Variants in PAK1 observed in about 807,000 individuals in gnomAD.
The protein encoded by PAK1 is serine/threonine-protein kinase PAK 1.
A neutral mutation model predicts 67.4 loss-of-function variants in PAK1; 29 were observed. The observed-to-expected ratio is 0.43, with a 90% CI of 0.32 to 0.59. The LOEUF (loss-of-function observed/expected upper bound fraction) is 0.59. Among genes scored for constraint, PAK1 ranks in the 20% least tolerant of loss-of-function variants. PAK1 has a pLI of 0.07. For missense variants in PAK1, 337 were observed against 670.7 expected (o/e 0.50, Z 5.50); for synonymous variants, 223 against 237.4 (o/e 0.94, Z 0.56).
intron 1 of PAK1, among the ~76,000 whole-genome samples, chr11:77,433,234 T>C (rs1160150349): frequency 6.6e-6 from 1 of 152,156 alleles, no homozygotes; most frequent in Non-Finnish European, 1.5e-5. Flanking sequence ...GAGCTAAAAG[T>C]ATAAAACTCT....
chr11:77,353,239 C>T (rs1188585858), intron 8 of PAK1: 6 of 303,382 alleles, frequency 2.0e-5, no homozygotes, highest in Admixed American at 9.7e-5. Context: ...CAGGGTTCAT[C>T]CGGAAAAGCA....
intron 1 of PAK1, among the ~76,000 whole-genome samples, chr11:77,472,920 T>C (rs920573133): frequency 1.3e-5 from 2 of 152,188 alleles, no homozygotes; most frequent in African/African-American, 4.8e-5. Flanking sequence ...TGAAATAGGA[T>C]AGCGAAGGCT....
At chr11:77,507,254 G>A in the PAK1 span, among the ~76,000 whole-genome samples, 3 of 152,078 alleles carry the variant, frequency 2.0e-5, no homozygotes, top group African/African-American at 7.2e-5. Flanking sequence ...CCAGAGATGG[G>A]GAGCAACCAG....
chr11:77,429,848 G>C (rs1288098787), intron 1 of PAK1, among the ~76,000 whole-genome samples: 4 of 152,196 alleles, frequency 2.6e-5, no homozygotes, highest in African/African-American at 4.8e-5. Flanking sequence ...TCCTGATTTT[G>C]ATGGTTGCAT....
In PAK1 at chr11:77,419,965, A is replaced by G. The variant is rs116813913; in HGVS notation, c.-21-27424T>C. Among the ~76,000 whole-genome samples the G allele has an allele frequency of 9.7e-3, 1,474 of 152,332 alleles. 24 individuals are homozygous for G. The highest frequency in any genetic ancestry group is 0.034 in the African/African-American group (1,422 of 41,576). ...TATAAGTAAAGAAACAAGCAAAAGAAAGATGGAAACGAAAAAAGATATTAA... is the reference window on the plus strand; with the variant it reads ...TATAAGTAAAGAAACAAGCAAAAGAGAGATGGAAACGAAAAAAGATATTAA... On this transcript the variant is annotated intron_variant, in intron 1 of 14. Transcript: ENST00000356341.
intron 1 of PAK1, among the ~76,000 whole-genome samples, chr11:77,415,370 A>G (rs1489775575): frequency 1.3e-5 from 2 of 152,216 alleles, no homozygotes; most frequent in Non-Finnish European, 2.9e-5. Context: ...ACAGGCATAC[A>G]TTCTGAGAAA....
intron 1 of PAK1, among the ~76,000 whole-genome samples, chr11:77,446,464 A>G (rs748916926): frequency 2.7e-5 from 4 of 149,054 alleles, no homozygotes; most frequent in Non-Finnish European, 5.9e-5. Flanking sequence ...GTGAGCCAAG[A>G]TCATGCCACT....
At chr11:77,362,794 A>G (rs540715295) in intron 5 of PAK1, among the ~76,000 whole-genome samples, 1 of 152,360 alleles carries the variant, frequency 6.6e-6, no homozygotes, top group South Asian at 2.1e-4. Flanking sequence ...ATAGTAGTAT[A>G]AACTGGAATG....
chr11:77,397,985 T>C (rs1004772246), intron 1 of PAK1, among the ~76,000 whole-genome samples: 1 of 152,228 alleles, frequency 6.6e-6, no homozygotes, highest in Non-Finnish European at 1.5e-5. Context: ...TTAGTTTTTG[T>C]GGGCACATAG....
chr11:77,427,007 G>A (rs1955583736), intron 1 of PAK1, among the ~76,000 whole-genome samples: 1 of 152,210 alleles, frequency 6.6e-6, no homozygotes, highest in African/African-American at 2.4e-5. Context: ...TATGGCTGGA[G>A]CAAATGGGGT....
rs565748244 is a variant in PAK1, at chr11:77,416,971, A to G, written c.-21-24430T>C. The stretch of plus-strand genomic sequence containing the variant: ...CTGTCTCAAAAAAAAAAAAAAGTAC[A>G]TATGTGTTCTATACTTTTATATGAC... On this transcript the variant is annotated intron_variant, in intron 1 of 14. Coordinates refer to ENST00000356341, the MANE Select transcript of PAK1 (RefSeq NM_002576.5). 9.9e-5 allele frequency among the ~76,000 whole-genome samples: 15 copies of G among 151,978 alleles called. No homozygotes were observed. In the East Asian group the frequency reaches 1.2e-3, roughly 12 times the overall value.
chr11:77,419,486 A>C (rs371086756), intron 1 of PAK1, among the ~76,000 whole-genome samples: 1 of 152,316 alleles, frequency 6.6e-6, no homozygotes, highest in East Asian at 1.9e-4. Flanking sequence ...TAGGCATATG[A>C]GTTTGCAACT....
chr11:77,374,355 A>C lies in PAK1; in HGVS notation c.450T>G (p.Ala150=). 6.3e-7 allele frequency: 1 copy of C among 1,597,694 alleles called. No homozygotes were observed. Among genetic ancestry groups the C allele is most frequent in the Non-Finnish European group, 8.6e-7 (1 of 1,165,118 alleles). ...AGGCATTAGAAGAATTGTAATCCTC[A>C]GCTGACTTATCTGCACAGGAAGAAA... is the stretch of plus-strand genomic sequence containing the variant. ...QKYMSFTDKS[A]EDYNSSNALN... Residue 150 remains alanine (A), a synonymous_variant, in exon 5 of 15, where the codon GCT becomes GCG. Transcript: ENST00000356341.
intron 5 of PAK1, among the ~76,000 whole-genome samples, chr11:77,365,882 ACTGCCAAAAG>A (rs1437502487): frequency 3.9e-5 from 6 of 152,126 alleles, no homozygotes; most frequent in African/African-American, 1.4e-4. Context: ...GCACAGTCAG[ACTGCCAAAAG>A]CTAAAGTCAA....
intron 2 of PAK1, among the ~76,000 whole-genome samples, chr11:77,384,030 G>A (rs115751618): frequency 0.017 from 2,630 of 152,300 alleles, 60 homozygotes; most frequent in African/African-American, 0.059. Context: ...GTGTACAGAA[G>A]AAGGTAAGTA....
chr11:77,506,404 G>A, the PAK1 span, among the ~76,000 whole-genome samples: 8 of 152,170 alleles, frequency 5.3e-5, no homozygotes, highest in African/African-American at 1.9e-4. Context: ...TTAAACCCAG[G>A]TTTCAGCAGC....
At chr11:77,435,395 T>C (rs1169727204) in intron 1 of PAK1, among the ~76,000 whole-genome samples, 1 of 152,146 alleles carries the variant, frequency 6.6e-6, no homozygotes, top group African/African-American at 2.4e-5. Context: ...AGGATAAAAA[T>C]AGTAATCCCT....
At chr11:77,336,627 A>G (rs1942735037) in intron 12 of PAK1, among the ~76,000 whole-genome samples, 1 of 152,094 alleles carries the variant, frequency 6.6e-6, no homozygotes. Context: ...ATAATCCCAA[A>G]TCTGGCGACT....
At chr11:77,473,184 G>A (rs939409864) in intron 1 of PAK1, among the ~76,000 whole-genome samples, 4 of 152,220 alleles carry the variant, frequency 2.6e-5, no homozygotes, top group African/African-American at 9.6e-5. Context: ...GCGGGACAGG[G>A]TGAGCGCCGC....
Sources: gnomAD v4.1 joint callset for allele counts (sites outside exome capture counted in the v4.1 genomes callset) on GRCh38, gnomAD v4.1.1 for gene constraint, MANE v1.5 for transcripts, NCBI Gene and HGNC (gene_info 2026-07-23, HGNC 2026-07-21) for gene names.